Variants in BMPR2 observed in about 807,000 individuals in gnomAD.
BMPR2 encodes the protein bone morphogenetic protein receptor type-2.
A neutral mutation model predicts 100.8 loss-of-function variants in BMPR2; 29 were observed. The observed-to-expected ratio is 0.29, with a 90% CI of 0.21 to 0.39. BMPR2 has a LOEUF of 0.39. Ranked by LOEUF, BMPR2 falls within the 10% of genes least tolerant of loss-of-function variation. The pLI is 1.00. For missense variants in BMPR2, 1,011 were observed against 1,274.5 expected, an observed-to-expected ratio of 0.79 and a Z score of 3.15; for synonymous variants, 382 against 442.3, an observed-to-expected ratio of 0.86 and a Z score of 1.71.
intron 1 of BMPR2, 105 bp from the exon 2 acceptor site, chr2:202,464,704 A>T: frequency 9.2e-7 from 1 of 1,083,900 alleles, no homozygotes; most frequent in Non-Finnish European, 1.3e-6. Context: ...CAGTTCAAAT[A>T]ATTTAGTAGG....
chr2:202,424,093 G>T (rs1250436015), intron 1 of BMPR2, among the ~76,000 whole-genome samples: 1 of 140,748 alleles, frequency 7.1e-6, no homozygotes, highest in African/African-American at 2.6e-5. Context: ...AAAAAAAAAG[G>T]CCAGGCACAG....
chr2:202,517,964 C>T (rs1687745701), intron 5 of BMPR2, among the ~76,000 whole-genome samples: 1 of 147,136 alleles, frequency 6.8e-6, no homozygotes, highest in African/African-American at 2.5e-5. Context: ...AGGCGCCCAC[C>T]ACCACGCCTG....
chr2:202,488,828 AC>A (rs912453018), intron 3 of BMPR2, among the ~76,000 whole-genome samples: 20 of 152,042 alleles, frequency 1.3e-4, no homozygotes, highest in African/African-American at 4.3e-4. Flanking sequence ...TGTGTAACCA[AC>A]CTCCAGAACT....
In BMPR2 at chr2:202,421,203, A is replaced by G. The variant is rs1408051071; in HGVS notation, c.77-43606A>G. Among the ~76,000 whole-genome samples, 3 of 151,926 alleles carry G rather than the reference A, an allele frequency of 2.0e-5. No homozygotes were observed. The East Asian group carries it at 5.8e-4, about 30-fold the overall frequency. ...GAGGCGGAGGTTGCAGTGAGCTGAG[A>G]TAGTGCCATTGCACACCAGCATGGG... On this transcript the variant is annotated intron_variant, in intron 1 of 12. Transcript: ENST00000374580.
At chr2:202,499,920 T>C (rs973257031) in intron 3 of BMPR2, among the ~76,000 whole-genome samples, 15 of 152,150 alleles carry the variant, frequency 9.9e-5, no homozygotes, top group African/African-American at 3.6e-4. Flanking sequence ...TGGTAGGTCT[T>C]GTTATCAGTA....
At chr2:202,417,396 G>T (rs756739451) in intron 1 of BMPR2, among the ~76,000 whole-genome samples, 5 of 151,736 alleles carry the variant, frequency 3.3e-5, no homozygotes, top group Non-Finnish European at 7.4e-5. Flanking sequence ...TCCGCCTTCC[G>T]GGTTCGAGCG....
chr2:202,540,275 G>T (rs2106029062), intron 9 of BMPR2, among the ~76,000 whole-genome samples: 1 of 152,266 alleles, frequency 6.6e-6, no homozygotes, highest in Middle Eastern at 3.4e-3. Context: ...GTATGTGTAT[G>T]TGTTGTGTGT....
chr2:202,504,397 G>A (rs1279209970), intron 3 of BMPR2, among the ~76,000 whole-genome samples: 6 of 151,786 alleles, frequency 4.0e-5, no homozygotes, highest in Admixed American at 6.6e-5. Flanking sequence ...CTCCAGACAC[G>A]CCGCCTCAAG....
intron 3 of BMPR2, among the ~76,000 whole-genome samples, chr2:202,481,561 A>G (rs979317143): frequency 6.6e-6 from 1 of 152,172 alleles, no homozygotes; most frequent in Non-Finnish European, 1.5e-5. Flanking sequence ...CCATATCTGA[A>G]AAAAGACAAC....
intron 3 of BMPR2, among the ~76,000 whole-genome samples, chr2:202,507,275 A>C (rs1687537724): frequency 6.6e-6 from 1 of 152,120 alleles, no homozygotes; most frequent in Non-Finnish European, 1.5e-5. Context: ...TTTTAAAGAA[A>C]AGGTTATGAT....
intron 1 of BMPR2, among the ~76,000 whole-genome samples, chr2:202,386,773 C>T (rs1051489144): frequency 1.3e-5 from 2 of 152,004 alleles, no homozygotes; most frequent in Non-Finnish European, 1.5e-5. Flanking sequence ...CTCTACCTCC[C>T]GGATTCAAGT....
intron 7 of BMPR2, among the ~76,000 whole-genome samples, chr2:202,522,377 C>T (rs965248560): frequency 6.6e-6 from 1 of 151,770 alleles, no homozygotes; most frequent in African/African-American, 2.4e-5. Flanking sequence ...CATGGTGGCA[C>T]GCTTCTGTAT....
rs909100103 is a variant in BMPR2, at chr2:202,503,689, T to C, written c.419-10030T>C. 3.3e-5 allele frequency among the ~76,000 whole-genome samples: 5 copies of C among 152,130 alleles called. No homozygotes were observed. The highest frequency in any genetic ancestry group is 7.4e-5 in the Non-Finnish European group (5 of 68,024). ...GGCCCCTGTGCGGCCCGAGCCTCCC[T>C]GATGAGTGCCGCCCCCTGCTCCACG... On this transcript the variant is annotated intron_variant, in intron 3 of 12. Coordinates refer to ENST00000374580, the MANE Select transcript of BMPR2 (RefSeq NM_001204.7). The surrounding 1 kb of genome is among the most constrained non-coding windows in gnomAD (Gnocchi z 4.0).
At position 202,534,183 on chromosome 2, in the gene BMPR2, TAC is replaced by T. The variant is rs200582793; in HGVS notation, c.1276+1465_1276+1466del. On this transcript the variant is annotated intron_variant, in intron 9 of 12. Transcript: ENST00000374580. ...TATATCAAGTGTGTGTATATATATATACACACACACACACATATATATGTATC... is the reference window on the plus strand; with the variant it reads ...TATATCAAGTGTGTGTATATATATATACACACACACACATATATATGTATC... Among the ~76,000 whole-genome samples, 1,286 of 148,224 alleles carry T rather than the reference TAC, an allele frequency of 8.7e-3. 20 individuals carry two copies. Among genetic ancestry groups the T allele is most frequent in the African/African-American group, 0.025 (992 of 40,382 alleles).
In BMPR2 at chr2:202,503,716, C is replaced by T. The variant is rs1194078157; in HGVS notation, c.419-10003C>T. ...ATGAGTGCCGCCCCCTGCTCCACGG[C>T]GCCCAGTCCCATCAACCACCCAAGG... On this transcript the variant is annotated intron_variant, in intron 3 of 12. Coordinates refer to ENST00000374580, the MANE Select transcript of BMPR2 (RefSeq NM_001204.7). The surrounding 1 kb of genome is among the most constrained non-coding windows in gnomAD (Gnocchi z 4.0). Among the ~76,000 whole-genome samples the T allele has an allele frequency of 6.6e-6, 1 of 152,210 alleles. No individual in the cohort carries two copies. The highest frequency in any genetic ancestry group is 1.5e-5 in the Non-Finnish European group (1 of 68,030).
Position 202,565,514 on chromosome 2 carries a change from A to G in BMPR2, c.*5568A>G, listed in dbSNP as rs936927320. 1 of 152,512 alleles carries G rather than the reference A, an allele frequency of 6.6e-6. No individual in the cohort carries two copies. The highest frequency in any genetic ancestry group is 1.5e-5 in the Non-Finnish European group (1 of 67,986). The allele number at this position is 152,512 out of a possible 1,614,324, so 9.4% of individuals were successfully genotyped here. A position where few individuals can be genotyped will look rare whatever the true frequency, so the allele number is the denominator to read the frequency against. ...ATTTTTGTGTTATCTAACATTTTCT[A>G]TTGTGGAATTTTATGATTTTATATT... On this transcript the variant is annotated 3_prime_UTR_variant, in exon 13 of 13. Transcript: ENST00000374580.
intron 3 of BMPR2, among the ~76,000 whole-genome samples, chr2:202,484,079 T>G (rs1047082375): frequency 6.6e-6 from 1 of 152,224 alleles, no homozygotes; most frequent in Non-Finnish European, 1.5e-5. Context: ...AGTATCTTAC[T>G]CTATATAACT....
intron 1 of BMPR2, among the ~76,000 whole-genome samples, chr2:202,385,521 A>G (rs565653978): frequency 2.6e-5 from 4 of 151,474 alleles, no homozygotes; most frequent in South Asian, 4.2e-4. Context: ...GTGCGCCACC[A>G]TGTCCGGCTA....
At chr2:202,378,470 T>C (rs1690202505) in intron 1 of BMPR2, among the ~76,000 whole-genome samples, 1 of 152,216 alleles carries the variant, frequency 6.6e-6, no homozygotes. Context: ...CAAATGACCC[T>C]TTCGAATTAC....
Sources: gnomAD v4.1 joint callset for allele counts (sites outside exome capture counted in the v4.1 genomes callset) on GRCh38, gnomAD v4.1.1 for gene constraint, Gnocchi (gnomAD v3.1) non-coding constraint, MANE v1.5 for transcripts, NCBI Gene and HGNC (gene_info 2026-07-23, HGNC 2026-07-21) for gene names.